The following ASTN2 variants were observed in gnomAD, a reference collection of about 807,000 sequenced individuals.
ASTN2 encodes astrotactin 2, also known as astrotactin-2.
A neutral mutation model predicts 139.8 loss-of-function variants in ASTN2; 54 were observed. The observed-to-expected ratio is 0.39, with a 90% CI of 0.31 to 0.48. The LOEUF (loss-of-function observed/expected upper bound fraction) is 0.48. Ranked by LOEUF, ASTN2 falls within the 20% of genes least tolerant of loss-of-function variation. The pLI, the probability that ASTN2 is intolerant of heterozygous loss-of-function variation, is 0.95. For missense variants in ASTN2, 1,565 were observed against 1,725.1 expected (o/e 0.91, Z 1.64); for synonymous variants, 756 against 719.5 (o/e 1.05, Z -0.81).
chr9:117,381,733 C>T (rs1830276104), intron 1 of ASTN2, among the ~76,000 whole-genome samples: 1 of 152,076 alleles, frequency 6.6e-6, no homozygotes, highest in Admixed American at 6.6e-5. Flanking sequence ...TTCTTTATAG[C>T]AATGTGTGAA....
chr9:117,158,562 A>G (rs1222884483), intron 3 of ASTN2, among the ~76,000 whole-genome samples: 1 of 152,004 alleles, frequency 6.6e-6, no homozygotes, highest in Non-Finnish European at 1.5e-5. Flanking sequence ...ACCACAGAAA[A>G]TTTTAAAATG....
At chr9:116,678,849 C>T (rs1319496086) in intron 16 of ASTN2, among the ~76,000 whole-genome samples, 2 of 152,004 alleles carry the variant, frequency 1.3e-5, no homozygotes, top group African/African-American at 4.8e-5. Context: ...AAAATCTTAC[C>T]TTATGACCAA....
intron 12 of ASTN2, among the ~76,000 whole-genome samples, chr9:116,811,728 C>T (rs1324544748): frequency 6.6e-6 from 1 of 152,156 alleles, no homozygotes; most frequent in Admixed American, 6.5e-5. Context: ...GAAACTGTAT[C>T]TCTCATATAG....
chr9:117,269,297 C>T (rs1038062669), intron 2 of ASTN2, among the ~76,000 whole-genome samples: 2 of 152,204 alleles, frequency 1.3e-5, no homozygotes, highest in Admixed American at 6.5e-5. Context: ...ACTATGGCAG[C>T]ATCATTAGCA....
chr9:117,410,537 G>A (rs896348775), intron 1 of ASTN2, among the ~76,000 whole-genome samples: 2 of 152,204 alleles, frequency 1.3e-5, no homozygotes, highest in Non-Finnish European at 1.5e-5. Flanking sequence ...CACTCATATT[G>A]CAGCAGAAAG....
At chr9:117,179,050 C>A (rs1356188818) in intron 3 of ASTN2, among the ~76,000 whole-genome samples, 1 of 152,178 alleles carries the variant, frequency 6.6e-6, no homozygotes, top group Non-Finnish European at 1.5e-5. Flanking sequence ...TACGTGCACA[C>A]AATCCTTAAC....
intron 1 of ASTN2, among the ~76,000 whole-genome samples, chr9:117,408,973 C>T (rs1831085067): frequency 6.6e-6 from 1 of 152,170 alleles, no homozygotes; most frequent in African/African-American, 2.4e-5. Flanking sequence ...GGCCACTAAA[C>T]ACCACCTCCC....
At chr9:117,089,470 G>A (rs1828647935) in intron 5 of ASTN2, among the ~76,000 whole-genome samples, 1 of 152,084 alleles carries the variant, frequency 6.6e-6, no homozygotes, top group East Asian at 1.9e-4. Flanking sequence ...ATCAAACATA[G>A]AATGCCTTGC....
At chr9:117,372,934 C>A (rs1379034335) in intron 1 of ASTN2, among the ~76,000 whole-genome samples, 1 of 152,114 alleles carries the variant, frequency 6.6e-6, no homozygotes, top group Non-Finnish European at 1.5e-5. Flanking sequence ...TCTCGTGGTT[C>A]TAACACTTCT....
chr9:117,134,266 T>TTATATATATATATATA (rs5900267), intron 4 of ASTN2, among the ~76,000 whole-genome samples: 19 of 92,598 alleles, frequency 2.1e-4, no homozygotes, highest in African/African-American at 9.2e-4. Context: ...CTAATGAAAA[T>TTATATATATATATATA]TATATATATA....
chr9:116,616,251 C>A (rs1295037333), intron 19 of ASTN2, among the ~76,000 whole-genome samples: 2 of 152,112 alleles, frequency 1.3e-5, no homozygotes, highest in African/African-American at 4.8e-5. Flanking sequence ...AGGTGATCTC[C>A]TAAGATCCTT....
intron 1 of ASTN2, among the ~76,000 whole-genome samples, chr9:117,369,982 C>T (rs904928179): frequency 2.6e-5 from 4 of 152,090 alleles, no homozygotes; most frequent in South Asian, 2.1e-4. Flanking sequence ...TGTCATGGCA[C>T]GCTAGTTAAC....
At chr9:117,050,301 C>A (rs10817987) in intron 5 of ASTN2, among the ~76,000 whole-genome samples, 77,836 of 151,940 alleles carry the variant, frequency 0.51, 20,402 homozygotes, top group Non-Finnish European at 0.55. Context: ...TTTGAAAGTC[C>A]CTGTTCCATT....
intron 16 of ASTN2, chr9:116,697,657 T>C: frequency 3.2e-6 from 5 of 1,551,812 alleles, no homozygotes; most frequent in Admixed American, 1.7e-5. Context: ...TCTTTTTCTC[T>C]TTAGCAGGAA....
chr9:116,848,382 A>C (rs892199264), intron 11 of ASTN2, among the ~76,000 whole-genome samples: 3 of 152,342 alleles, frequency 2.0e-5, no homozygotes, highest in South Asian at 4.1e-4. Context: ...TTGCCTGAGC[A>C]CTTGACTATG....
chr9:117,322,741 G>A (rs185617112), intron 1 of ASTN2, among the ~76,000 whole-genome samples: 2 of 152,242 alleles, frequency 1.3e-5, no homozygotes, highest in Non-Finnish European at 2.9e-5. Context: ...GTGGCAGGCA[G>A]GTTGGTATGA....
chr9:117,414,696 G>A lies in ASTN2; in HGVS notation c.243C>T (p.Ile81=), dbSNP rs1362844225. 14 of 1,256,210 alleles carry A rather than the reference G, an allele frequency of 1.1e-5. No homozygotes were observed. Among genetic ancestry groups the A allele is most frequent in the Non-Finnish European group, 1.4e-5 (14 of 1,002,396 alleles). 77.8% of individuals were successfully genotyped at this position (1,256,210 alleles called of 1,614,324 possible). A position where few individuals can be genotyped will look rare whatever the true frequency, so the allele number is the denominator to read the frequency against. The change falls in exon 1 of 23, where the codon ATC becomes ATT. Residue 81 remains isoleucine, a synonymous_variant. Transcript: ENST00000313400. The surrounding 1 kb of genome is among the most constrained non-coding windows in gnomAD (Gnocchi z 4.2). The part of the protein sequence containing the change: ...STLPALRESD[I]GWSGARAGAG... ...CCCCGGCGCGGGCGCCGCTCCAGCC[G>A]ATGTCGCTCTCCCGCAGGGCGGGCA...
intron 1 of ASTN2, among the ~76,000 whole-genome samples, chr9:117,385,229 A>G (rs1830366856): frequency 6.6e-6 from 1 of 152,124 alleles, no homozygotes; most frequent in Admixed American, 6.5e-5. Flanking sequence ...GCCTCAAGTG[A>G]TCTTCCCACC....
At chr9:116,502,933 TGGAA>T (rs1292470170) in intron 19 of ASTN2, among the ~76,000 whole-genome samples, 1 of 70,414 alleles carries the variant, frequency 1.4e-5, no homozygotes, top group Non-Finnish European at 2.7e-5. Context: ...GGAAGAAAGA[TGGAA>T]GGAAAGAAAA....
Sources: allele counts gnomAD v4.1 joint callset (sites outside exome capture counted in the v4.1 genomes callset), GRCh38; gene constraint gnomAD v4.1.1; non-coding constraint Gnocchi (gnomAD v3.1); transcripts MANE v1.5; gene names NCBI Gene and HGNC (gene_info 2026-07-23, HGNC 2026-07-21).